PGPEP1: variants seen among roughly 807,000 people sequenced by gnomAD.
PGPEP1 encodes pyroglutamyl-peptidase 1.
Under a neutral mutation model 24.1 loss-of-function variants are expected in PGPEP1, and 15 were observed. The ratio of observed to expected loss-of-function variants is 0.62; its 90% CI spans 0.42 to 0.96. The LOEUF is 0.96. Ranked by LOEUF, PGPEP1 falls within the 40% of genes least tolerant of loss-of-function variation. The probability of loss-of-function intolerance (pLI) is 0.00; values close to 1 mark genes in which losing one functional copy is unlikely to be tolerated. For synonymous variants in PGPEP1, 122 were observed against 116.4 expected (o/e 1.05, Z -0.31); for missense variants, 242 against 273.4 (o/e 0.89, Z 0.81).
intron 4 of PGPEP1, 80 bp from the exon 5 acceptor site, chr19:18,363,311 G>A: frequency 8.8e-7 from 1 of 1,131,442 alleles, no homozygotes; most frequent in South Asian, 1.5e-5. Context: ...GATTTGGATG[G>A]GTGCTGTCAC....
intron 2 of PGPEP1, 148 bp downstream of exon 2, chr19:18,343,059 G>GCA: frequency 1.5e-6 from 1 of 648,434 alleles, no homozygotes; most frequent in Non-Finnish European, 2.7e-6. Flanking sequence ...GAATGCAATG[G>GCA]CACAATCTCA....
rs34068189 is a variant in PGPEP1, at chr19:18,356,030, C to T, written c.204+19C>T. 710,752 of 1,470,516 alleles carry T rather than the reference C, an allele frequency of 0.48. 179,709 individuals carry two copies. Among genetic ancestry groups the T allele is most frequent in the Middle Eastern group, 0.54 (3,161 of 5,830 alleles). 91.1% of individuals were successfully genotyped at this position (1,470,516 alleles called of 1,614,324 possible). ...TCCACAGGTGAGTGGTGCCAAGGGG[C>T]GGCACTTCCTCATCAGGACTTACAG... On this transcript the variant is annotated intron_variant, in intron 3 of 4. Transcript: ENST00000269919.
chr19:18,348,895 T>G (rs1303167544), intron 2 of PGPEP1: 2 of 153,254 alleles, frequency 1.3e-5, no homozygotes, highest in East Asian at 3.9e-4. Context: ...TAGCTGGGAC[T>G]ACAGGCATGC....
chr19:18,344,206 T>TG (rs1207998810), intron 2 of PGPEP1, among the ~76,000 whole-genome samples: 2 of 151,788 alleles, frequency 1.3e-5, no homozygotes, highest in African/African-American at 4.8e-5. Context: ...TCCTCGCAGC[T>TG]GGGGGAGGAA....
chr19:18,352,266 C>CAAAAAAAAAAAAAAAAAA (rs60299417), intron 2 of PGPEP1, among the ~76,000 whole-genome samples: 2 of 43,660 alleles, frequency 4.6e-5, no homozygotes, highest in African/African-American at 7.6e-5. Context: ...GACTCCGTCT[C>CAAAAAAAAAAAAAAAAAA]AAAAAAAAAA....
At chr19:18,349,310 T>A (rs1171306146) in intron 2 of PGPEP1, among the ~76,000 whole-genome samples, 1 of 152,092 alleles carries the variant, frequency 6.6e-6, no homozygotes, top group Non-Finnish European at 1.5e-5. Context: ...GCCTCCTGGG[T>A]AGCTGGGACT....
chr19:18,360,728 T>C (rs1400924321), intron 4 of PGPEP1, among the ~76,000 whole-genome samples: 1 of 151,912 alleles, frequency 6.6e-6, no homozygotes, highest in Non-Finnish European at 1.5e-5. Flanking sequence ...TTTTATCATG[T>C]TGGCCAGGCT....
Position 18,364,111 on chromosome 19 carries a change from T to TCTTTCTTTCTTTCTTG in PGPEP1, c.*531_*532insTCTTTCTTTCTTGCTT, listed in dbSNP as rs1568321104. ...TTCTTTCTTTCTTTCTTTCTTTCTT[T>TCTTTCTTTCTTTCTTG]CTTGCTTTCTTTCTTTCTTGCTTTC... is the stretch of plus-strand genomic sequence containing the variant. On this transcript the variant is annotated 3_prime_UTR_variant, in exon 5 of 5. Coordinates refer to ENST00000269919, the MANE Select transcript of PGPEP1 (RefSeq NM_017712.4). The TCTTTCTTTCTTTCTTG allele has an allele frequency of 4.2e-5, 4 of 96,164 alleles. No homozygotes were observed. Among genetic ancestry groups the TCTTTCTTTCTTTCTTG allele is most frequent in the African/African-American group, 1.4e-4 (4 of 29,332 alleles). The allele number at this position is 96,164 out of a possible 1,614,324, so 6.0% of individuals were successfully genotyped here. A position where few individuals can be genotyped will look rare whatever the true frequency, so the allele number is the denominator to read the frequency against.
chr19:18,355,017 G>A (rs1433583487), intron 2 of PGPEP1, among the ~76,000 whole-genome samples: 1 of 136,036 alleles, frequency 7.4e-6, no homozygotes, highest in Non-Finnish European at 1.5e-5. Flanking sequence ...CACCCAGGCT[G>A]GAGTGCAGTG....
intron 1 of PGPEP1, among the ~76,000 whole-genome samples, chr19:18,341,212 G>A (rs1293073904): frequency 6.6e-6 from 1 of 152,176 alleles, no homozygotes; most frequent in Non-Finnish European, 1.5e-5. Context: ...CTCCTGGGGG[G>A]CTACTCTCCC....
At chr19:18,344,008 C>A (rs1433585924) in intron 2 of PGPEP1, among the ~76,000 whole-genome samples, 1 of 152,036 alleles carries the variant, frequency 6.6e-6, no homozygotes, top group Non-Finnish European at 1.5e-5. Context: ...TTTTAAAAAT[C>A]TTTTCCATTG....
chr19:18,363,485 G>A lies in PGPEP1; in HGVS notation c.532G>A (p.Ala178Thr), dbSNP rs1019284682. The change falls in exon 5 of 5, where the codon GCG becomes ACG. Residue 178 changes from alanine to threonine, a missense_variant. Transcript: ENST00000269919. ...GCCCCCACTGGGGAAGCCGTACAAC[G>A]CGGACCAGCTGGGCAGGGCACTGAG... ...HVPPLGKPYN[A>T]DQLGRALRAI... 7.4e-6 allele frequency: 12 copies of A among 1,614,188 alleles called. No individual in the cohort carries two copies. The highest frequency in any genetic ancestry group is 9.3e-6 in the Non-Finnish European group (11 of 1,180,030).
At chr19:18,350,399 G>A (rs141969993) in intron 2 of PGPEP1, among the ~76,000 whole-genome samples, 3 of 152,236 alleles carry the variant, frequency 2.0e-5, no homozygotes, top group East Asian at 3.9e-4. Context: ...ATTTATAAAC[G>A]GTAAAATTTT....
rs1971648338 is a variant in PGPEP1 at position 18,369,552 on chromosome 19, C to T, written c.*5969C>T. On this transcript the variant is annotated 3_prime_UTR_variant, in exon 5 of 5. Transcript: ENST00000269919. Reference sequence around the variant, plus strand: ...GAATTAGGCTTTCTGCTTGCCAAGGCCTGTGGCATCTGAGCCTGGCTGAGG... The same window carrying T: ...GAATTAGGCTTTCTGCTTGCCAAGGTCTGTGGCATCTGAGCCTGGCTGAGG... 1.3e-5 allele frequency: 2 copies of T among 152,190 alleles called. No homozygotes were observed. The highest frequency in any genetic ancestry group is 1.3e-4 in the Admixed American group (2 of 15,266). 9.4% of individuals were successfully genotyped at this position (152,190 alleles called of 1,614,324 possible).
intron 2 of PGPEP1, among the ~76,000 whole-genome samples, chr19:18,354,904 T>C (rs1600213141): frequency 6.6e-6 from 1 of 151,948 alleles, no homozygotes; most frequent in East Asian, 1.9e-4. Context: ...TGCTTAGAAC[T>C]GTTAGCGTGA....
intron 3 of PGPEP1, among the ~76,000 whole-genome samples, chr19:18,356,980 G>T (rs1256553940): frequency 2.0e-5 from 3 of 148,014 alleles, no homozygotes; most frequent in Non-Finnish European, 3.0e-5. Context: ...GGAGGTTGCA[G>T]TGAGCTGAGA....
At chr19:18,349,198 T>C (rs1285868662) in intron 2 of PGPEP1, 39 of 736,634 alleles carry the variant, frequency 5.3e-5, no homozygotes, top group Non-Finnish European at 6.3e-5. Context: ...ATTTTTGTTT[T>C]TGAGACAGAA....
chr19:18,353,375 C>T (rs1971092528), intron 2 of PGPEP1, among the ~76,000 whole-genome samples: 1 of 152,078 alleles, frequency 6.6e-6, no homozygotes, highest in African/African-American at 2.4e-5. Context: ...GCATGTGCCA[C>T]CACATCCAGC....
intron 2 of PGPEP1, among the ~76,000 whole-genome samples, chr19:18,348,520 G>T (rs1970927661): frequency 2.6e-5 from 4 of 152,106 alleles, no homozygotes; most frequent in Admixed American, 1.3e-4. Context: ...CTGGCAAAGT[G>T]ATGTGGGACT....
Sources: allele counts gnomAD v4.1 joint callset (sites outside exome capture counted in the v4.1 genomes callset), GRCh38; gene constraint gnomAD v4.1.1; transcripts MANE v1.5; gene names NCBI Gene and HGNC (gene_info 2026-07-23, HGNC 2026-07-21).